Variants in CEP112 observed in about 807,000 individuals in gnomAD.
The protein encoded by CEP112 is centrosomal protein of 112 kDa.
Under a neutral mutation model 153.0 loss-of-function variants are expected in CEP112, and 127 were observed. The ratio of observed to expected loss-of-function variants is 0.83; its 90% CI spans 0.72 to 0.96. CEP112 has a LOEUF of 0.96. Ranked by LOEUF, CEP112 falls within the 40% of genes least tolerant of loss-of-function variation. The probability of loss-of-function intolerance (pLI) is 0.00; values close to 1 mark genes in which losing one functional copy is unlikely to be tolerated. For missense variants in CEP112, 1,089 were observed against 1,101.2 expected, an observed-to-expected ratio of 0.99 and a Z score of 0.16; for synonymous variants, 358 against 374.4, an observed-to-expected ratio of 0.96 and a Z score of 0.51.
At chr17:66,179,940 A>C (rs191914694) in intron 2 of CEP112, among the ~76,000 whole-genome samples, 3 of 152,184 alleles carry the variant, frequency 2.0e-5, no homozygotes, top group Non-Finnish European at 2.9e-5. Flanking sequence ...GCATTAATTG[A>C]AATGATCATA....
At chr17:66,093,235 G>A (rs1252178297) in intron 8 of CEP112, among the ~76,000 whole-genome samples, 1 of 152,022 alleles carries the variant, frequency 6.6e-6, no homozygotes, top group Non-Finnish European at 1.5e-5. Flanking sequence ...CCAGCTACTG[G>A]GGAGGCTAAG....
intron 19 of CEP112, among the ~76,000 whole-genome samples, chr17:65,914,438 G>A (rs542236067): frequency 7.9e-5 from 12 of 151,642 alleles, no homozygotes; most frequent in Non-Finnish European, 1.2e-4. Context: ...ACAATGCTTC[G>A]TAAATTATTC....
intron 24 of CEP112, among the ~76,000 whole-genome samples, chr17:65,646,003 C>T (rs1202880304): frequency 6.6e-6 from 1 of 152,142 alleles, no homozygotes; most frequent in African/African-American, 2.4e-5. Flanking sequence ...TTTTCAAGTA[C>T]TTTGGAGGTC....
intron 20 of CEP112, among the ~76,000 whole-genome samples, chr17:65,899,652 A>G (rs2059778336): frequency 6.6e-6 from 1 of 151,924 alleles, no homozygotes. Flanking sequence ...TCAAAAATAG[A>G]TTTTAAGGAA....
chr17:66,130,731 A>C lies in CEP112; in HGVS notation c.565-908T>G, dbSNP rs373998448. Among the ~76,000 whole-genome samples the C allele has an allele frequency of 6.2e-5, 9 of 144,900 alleles. No individual in the cohort carries two copies. The East Asian group carries it at 9.9e-4, about 16-fold the overall frequency. ...GTGGAGCTTGCAGTGAGCCAAGATC[A>C]CGCCACTGCACTCCAGCCTGGGCGA... On this transcript the variant is annotated intron_variant, in intron 5 of 26. Coordinates refer to ENST00000535342, the MANE Select transcript of CEP112 (RefSeq NM_001199165.4).
At chr17:65,798,689 C>T (rs990411090) in intron 21 of CEP112, among the ~76,000 whole-genome samples, 1 of 152,162 alleles carries the variant, frequency 6.6e-6, no homozygotes, top group Non-Finnish European at 1.5e-5. Flanking sequence ...AATCGCAGAA[C>T]AGAATTTGGA....
At chr17:65,887,928 C>T (rs750547797) in intron 20 of CEP112, among the ~76,000 whole-genome samples, 4 of 152,124 alleles carry the variant, frequency 2.6e-5, no homozygotes, top group Non-Finnish European at 4.4e-5. Flanking sequence ...GGGACAATTT[C>T]AAAGCAGGTA....
At chr17:65,671,154 G>A (rs1159316159) in intron 24 of CEP112, among the ~76,000 whole-genome samples, 2 of 152,228 alleles carry the variant, frequency 1.3e-5, no homozygotes, top group East Asian at 3.9e-4. Context: ...GGAAAGAGAA[G>A]GACTATAAGC....
intron 11 of CEP112, among the ~76,000 whole-genome samples, chr17:66,059,308 G>A (rs1003091631): frequency 1.2e-4 from 18 of 152,118 alleles, no homozygotes; most frequent in African/African-American, 2.9e-4. Context: ...CAAGTGGGAC[G>A]TAATTAAAAT....
intron 23 of CEP112, among the ~76,000 whole-genome samples, chr17:65,735,406 T>C (rs1314375715): frequency 6.6e-6 from 1 of 152,190 alleles, no homozygotes; most frequent in Admixed American, 6.5e-5. Context: ...AAGTGCTTCA[T>C]GTGTACTTCC....
intron 20 of CEP112, among the ~76,000 whole-genome samples, chr17:65,885,151 C>A (rs2059231917): frequency 6.6e-6 from 1 of 152,130 alleles, no homozygotes; most frequent in Non-Finnish European, 1.5e-5. Context: ...TGAGAAATAG[C>A]AGATTTCTAA....
At chr17:65,938,538 G>T (rs1479408286) in intron 18 of CEP112, among the ~76,000 whole-genome samples, 1 of 152,032 alleles carries the variant, frequency 6.6e-6, no homozygotes, top group Non-Finnish European at 1.5e-5. Flanking sequence ...CTAAGATTTG[G>T]AATTAGACAA....
chr17:66,124,779 A>C (rs2069764877), intron 6 of CEP112, among the ~76,000 whole-genome samples: 1 of 151,624 alleles, frequency 6.6e-6, no homozygotes, highest in East Asian at 1.9e-4. Context: ...TCATATTCCA[A>C]CTTCCCTCTC....
intron 20 of CEP112, among the ~76,000 whole-genome samples, chr17:65,876,177 C>T (rs1184742266): frequency 1.3e-5 from 2 of 152,178 alleles, no homozygotes; most frequent in Non-Finnish European, 2.9e-5. Context: ...TGGACAAGAT[C>T]CACTGTTCAA....
intron 20 of CEP112, among the ~76,000 whole-genome samples, chr17:65,892,446 G>A (rs2059499856): frequency 6.6e-6 from 1 of 151,916 alleles, no homozygotes; most frequent in Non-Finnish European, 1.5e-5. Context: ...TTTTTCTTGA[G>A]ATTTACTCTA....
chr17:65,763,450 C>T (rs2052735721), intron 21 of CEP112, among the ~76,000 whole-genome samples: 1 of 151,624 alleles, frequency 6.6e-6, no homozygotes, highest in Non-Finnish European at 1.5e-5. Flanking sequence ...CATATGTGTA[C>T]ATTACACCTT....
At chr17:65,835,581 G>C (rs1436359627) in intron 21 of CEP112, among the ~76,000 whole-genome samples, 2 of 152,158 alleles carry the variant, frequency 1.3e-5, no homozygotes, top group Admixed American at 1.3e-4. Context: ...GGGGTGGAAA[G>C]GAGAGACTGA....
At chr17:66,101,119 A>G (rs1308252818) in intron 6 of CEP112, among the ~76,000 whole-genome samples, 1 of 152,148 alleles carries the variant, frequency 6.6e-6, no homozygotes, top group Non-Finnish European at 1.5e-5. Context: ...AACTTTACGA[A>G]TATTTTTTAA....
Position 66,187,322 on chromosome 17 carries a change from C to A in CEP112, c.-8-4015G>T, listed in dbSNP as rs545923445. On this transcript the variant is annotated intron_variant, in intron 1 of 26. Coordinates refer to ENST00000535342, the MANE Select transcript of CEP112 (RefSeq NM_001199165.4). ...GCATTCCATTCGCCAAATCCACTTA[C>A]TTTCTCCACTTCATCAACTTCTATC... Among the ~76,000 whole-genome samples the A allele has an allele frequency of 5.6e-4, 86 of 152,272 alleles. 1 individual carries two copies. Among genetic ancestry groups the A allele is most frequent in the African/African-American group, 1.9e-3 (78 of 41,548 alleles).
Sources: gnomAD v4.1 joint callset for allele counts (sites outside exome capture counted in the v4.1 genomes callset) on GRCh38, gnomAD v4.1.1 for gene constraint, MANE v1.5 for transcripts, NCBI Gene and HGNC (gene_info 2026-07-23, HGNC 2026-07-21) for gene names.